Variants in STOX2 observed in about 807,000 individuals in gnomAD.
The protein encoded by STOX2 is storkhead box 2, also known as storkhead-box protein 2.
Under a neutral mutation model 60.9 loss-of-function variants are expected in STOX2, and 28 were observed. The ratio of observed to expected loss-of-function variants is 0.46; its 90% CI spans 0.34 to 0.63. The LOEUF is 0.63. Ranked by LOEUF, STOX2 falls within the 30% of genes least tolerant of loss-of-function variation. The pLI is 0.01. For synonymous variants in STOX2, 472 were observed against 463.9 expected, an observed-to-expected ratio of 1.02 and a Z score of -0.22; for missense variants, 1,024 against 1,187.7, an observed-to-expected ratio of 0.86 and a Z score of 2.03.
rs779431210 is a variant in STOX2 at position 183,836,756 on chromosome 4, C to A, written c.364+38701C>A. Among the ~76,000 whole-genome samples the A allele has an allele frequency of 6.6e-6, 1 of 152,190 alleles. No individual in the cohort carries two copies. The highest frequency in any genetic ancestry group is 1.5e-5 in the Non-Finnish European group (1 of 68,038). Reference sequence around the variant, plus strand: ...TCATGAAGGTGAAAAAGCAGGGATACTATTAGACACTCTGATATTGGAAAT... The same window carrying A: ...TCATGAAGGTGAAAAAGCAGGGATAATATTAGACACTCTGATATTGGAAAT... On this transcript the variant is annotated intron_variant, in intron 1 of 2. Coordinates refer to the STOX2 transcript ENST00000513034. This position sits in a 1 kb window ranked among gnomAD's most constrained non-coding sequence, Gnocchi z 4.1.
intron 1 of STOX2, among the ~76,000 whole-genome samples, chr4:183,973,283 G>A (rs574394350): frequency 4.6e-5 from 7 of 152,222 alleles, no homozygotes; most frequent in African/African-American, 1.7e-4. Flanking sequence ...ATCATAAACT[G>A]TTGAAAACTA....
At chr4:183,894,569 T>C (rs1468671831) in intron 1 of STOX2, among the ~76,000 whole-genome samples, 1 of 152,034 alleles carries the variant, frequency 6.6e-6, no homozygotes, top group African/African-American at 2.4e-5. Flanking sequence ...TTTTTAACAG[T>C]TATTGAAATT....
Position 184,009,574 on chromosome 4 carries a change from T to C in STOX2, c.736T>C (p.Phe246Leu). The C allele has an allele frequency of 6.2e-7, 1 of 1,613,814 alleles. No individual in the cohort carries two copies. Among genetic ancestry groups the C allele is most frequent in the Non-Finnish European group, 8.5e-7 (1 of 1,179,842 alleles). Residue 246 changes from phenylalanine to leucine, a missense_variant, in exon 3 of 4, where the codon TTT (phenylalanine) becomes CTT (leucine). This residue lies in a region of STOX2 where 922 missense variants were observed against 1,058.3 expected (regional missense o/e 0.87). Transcript: ENST00000308497. This position sits in a 1 kb window ranked among gnomAD's most constrained non-coding sequence, Gnocchi z 4.0. ...PTEKSKSTVN[F>L]SYKTETLSKP... ...TGAAAAGAGCAAAAGTACTGTAAAT[T>C]TTTCCTATAAGACAGAAACTCTCTC...
chr4:183,953,864 C>A (rs576847711), intron 1 of STOX2, among the ~76,000 whole-genome samples: 26 of 152,246 alleles, frequency 1.7e-4, no homozygotes, highest in African/African-American at 6.0e-4. Context: ...CCACACTCGA[C>A]CTTACACCCA....
At chr4:184,006,549 C>T (rs931809279) in intron 2 of STOX2, among the ~76,000 whole-genome samples, 8 of 151,482 alleles carry the variant, frequency 5.3e-5, no homozygotes, top group Non-Finnish European at 1.2e-4. Flanking sequence ...CCCATCTCTA[C>T]AAAAAATATA....
intron 1 of STOX2, among the ~76,000 whole-genome samples, chr4:183,883,552 G>A (rs567661985): frequency 6.6e-6 from 1 of 152,252 alleles, no homozygotes; most frequent in East Asian, 1.9e-4. Context: ...TCCTGACCTT[G>A]TGATCCACCC....
rs1734642218 is a variant in STOX2, at chr4:184,022,843, A to G, written c.*5559A>G. 1 of 152,204 alleles carries G rather than the reference A, an allele frequency of 6.6e-6. No homozygotes were observed. The highest frequency in any genetic ancestry group is 2.4e-5 in the African/African-American group (1 of 41,440). The allele number at this position is 152,204 out of a possible 1,614,324, so 9.4% of individuals were successfully genotyped here. On this transcript the variant is annotated 3_prime_UTR_variant, in exon 4 of 4. Coordinates refer to ENST00000308497, the MANE Select transcript of STOX2 (RefSeq NM_020225.3). ...GCCACGGTTTCCACATTGGAAGGGC[A>G]GAACACTGTGCAGTATCGTGCACAC...
chr4:183,809,163 C>T (rs758066983), intron 1 of STOX2, among the ~76,000 whole-genome samples: 5 of 152,108 alleles, frequency 3.3e-5, no homozygotes, highest in Non-Finnish European at 7.4e-5. Flanking sequence ...CTCACTGCAA[C>T]CTTGAGCTCT....
At chr4:183,866,948 G>C (rs1415763246) in intron 1 of STOX2, among the ~76,000 whole-genome samples, 2 of 152,074 alleles carry the variant, frequency 1.3e-5, no homozygotes, top group Non-Finnish European at 2.9e-5. Flanking sequence ...ATGAATAGAA[G>C]TTGAAGCAAT....
chr4:183,955,484 T>TC (rs1191915440), intron 1 of STOX2, among the ~76,000 whole-genome samples: 1 of 152,208 alleles, frequency 6.6e-6, no homozygotes, highest in Admixed American at 6.5e-5. Context: ...TAGGTATTCC[T>TC]CCCTGTTCTT....
rs1391692140 is a variant in STOX2 at position 183,910,691 on chromosome 4, GA to G, written c.166+3736del. Among the ~76,000 whole-genome samples, 12 of 152,224 alleles carry G rather than the reference GA, an allele frequency of 7.9e-5. No homozygotes were observed. In the East Asian group the frequency reaches 2.1e-3, roughly 27 times the overall value. On this transcript the variant is annotated intron_variant, in intron 1 of 3. Coordinates refer to ENST00000308497, the MANE Select transcript of STOX2 (RefSeq NM_020225.3). ...GCGAAGTCCTGGCCCATTTGAGTTTGATGCTTATCATTTTGATAACATCTTT... is the reference window on the plus strand; with the variant it reads ...GCGAAGTCCTGGCCCATTTGAGTTTGTGCTTATCATTTTGATAACATCTTT...
rs1346152725 is a variant in STOX2 at position 184,020,130 on chromosome 4, C to T, written c.*2846C>T. The T allele has an allele frequency of 6.6e-6, 1 of 152,064 alleles. No individual in the cohort carries two copies. The allele number at this position is 152,064 out of a possible 1,614,324, so 9.4% of individuals were successfully genotyped here. A position where few individuals can be genotyped will look rare whatever the true frequency, so the allele number is the denominator to read the frequency against. On this transcript the variant is annotated 3_prime_UTR_variant, in exon 4 of 4. Coordinates refer to ENST00000308497, the MANE Select transcript of STOX2 (RefSeq NM_020225.3). ...TCCATAAATTTGATGAAATGGCAGCCGTGTGTTAAAGTGTATCGTTCAGAA... is the reference window on the plus strand; with the variant it reads ...TCCATAAATTTGATGAAATGGCAGCTGTGTGTTAAAGTGTATCGTTCAGAA...
chr4:183,917,729 T>C (rs1282865223), intron 1 of STOX2, among the ~76,000 whole-genome samples: 1 of 152,146 alleles, frequency 6.6e-6, no homozygotes, highest in Non-Finnish European at 1.5e-5. Context: ...GTCAAGTGGA[T>C]TTTTCCTTAT....
At chr4:183,961,105 G>A (rs1205005858) in intron 1 of STOX2, among the ~76,000 whole-genome samples, 2 of 152,096 alleles carry the variant, frequency 1.3e-5, no homozygotes, top group African/African-American at 4.8e-5. Flanking sequence ...GTAACCCAAT[G>A]CCCTGGAAAG....
Position 184,019,910 on chromosome 4 carries a change from C to T in STOX2, c.*2626C>T. On this transcript the variant is annotated 3_prime_UTR_variant, in exon 4 of 4. Coordinates refer to ENST00000308497, the MANE Select transcript of STOX2 (RefSeq NM_020225.3). ...CAGGCGTTGCCAGTATCCCTTTCCT[C>T]CTGTAAAATCATAGCTTTGTGTTAC... 6.6e-6 allele frequency: 1 copy of T among 152,174 alleles called. No individual in the cohort carries two copies. The highest frequency in any genetic ancestry group is 1.9e-4 in the East Asian group (1 of 5,192). The allele number at this position is 152,174 out of a possible 1,614,324, so 9.4% of individuals were successfully genotyped here.
At position 184,011,508 on chromosome 4, in the gene STOX2, G is replaced by T; in HGVS notation, c.2585+85G>T. On this transcript the variant is annotated intron_variant, in intron 3 of 3. Transcript: ENST00000308497. The surrounding 1 kb of genome is among the most constrained non-coding windows in gnomAD (Gnocchi z 4.4). Reference sequence around the variant, plus strand: ...CGTAACTTGACAAGTTTCTGATTTCGTAGTCTCAGTTCTATGGATGAGGGT... The same window carrying T: ...CGTAACTTGACAAGTTTCTGATTTCTTAGTCTCAGTTCTATGGATGAGGGT... 1 of 1,578,648 alleles carries T rather than the reference G, an allele frequency of 6.3e-7. No homozygotes were observed. Among genetic ancestry groups the T allele is most frequent in the Non-Finnish European group, 8.6e-7 (1 of 1,159,732 alleles).
chr4:183,989,541 A>C (rs1381421903), intron 1 of STOX2, among the ~76,000 whole-genome samples: 2 of 152,106 alleles, frequency 1.3e-5, no homozygotes, highest in African/African-American at 4.8e-5. Flanking sequence ...AGTGCCCGAA[A>C]TTTTGCATAC....
At chr4:183,881,935 A>G (rs998227204) in intron 1 of STOX2, among the ~76,000 whole-genome samples, 1 of 152,226 alleles carries the variant, frequency 6.6e-6, no homozygotes, top group Non-Finnish European at 1.5e-5. Context: ...CTTTAAAAGT[A>G]ACGTATTTCG....
rs539109380 is a variant in STOX2 at position 183,937,736 on chromosome 4, AC to A, written c.166+30782del. ...GCTTCTATGATCCAGAAGTATGGAAACCATTGATTTCATCAATAGATGATGT... is the reference window on the plus strand; with the variant it reads ...GCTTCTATGATCCAGAAGTATGGAAACATTGATTTCATCAATAGATGATGT... On this transcript the variant is annotated intron_variant, in intron 1 of 3. Transcript: ENST00000308497. Among the ~76,000 whole-genome samples the A allele has an allele frequency of 1.9e-4, 29 of 152,316 alleles. No homozygotes were observed. The South Asian group carries it at 5.6e-3, about 29-fold the overall frequency.
Sources: allele counts gnomAD v4.1 joint callset (sites outside exome capture counted in the v4.1 genomes callset), GRCh38; gene constraint gnomAD v4.1.1; regional missense constraint gnomAD v4.1.1; non-coding constraint Gnocchi (gnomAD v3.1); transcripts MANE v1.5; gene names NCBI Gene and HGNC (gene_info 2026-07-23, HGNC 2026-07-21).